The following ARL14EPL variants were observed in gnomAD, a reference collection of about 807,000 sequenced individuals.
ARL14EPL encodes ARL14 effector protein-like.
Under a neutral mutation model 15.9 loss-of-function variants are expected in ARL14EPL, and 17 were observed. The observed-to-expected ratio is 1.07, with a 90% CI of 0.73 to 1.60. ARL14EPL has a LOEUF of 1.60. Among genes scored for constraint, ARL14EPL ranks in the 40% most tolerant of loss-of-function variants. The pLI is 0.00. For missense variants in ARL14EPL, 214 were observed against 185.9 expected (o/e 1.15, Z -0.88); for synonymous variants, 78 against 63.8 (o/e 1.22, Z -1.06).
At chr5:116,054,956 A>G (rs1230952459) in intron 3 of ARL14EPL, among the ~76,000 whole-genome samples, 1 of 152,104 alleles carries the variant, frequency 6.6e-6, no homozygotes, top group Non-Finnish European at 1.5e-5. Context: ...ACAGTGAAAG[A>G]CACACCATAA....
intron 2 of ARL14EPL, among the ~76,000 whole-genome samples, chr5:116,053,308 T>C (rs1911947): frequency 0.81 from 120,872 of 149,854 alleles, 49,201 homozygotes; most frequent in African/African-American, 0.88. Flanking sequence ...GCCATGATCA[T>C]GCCATAGCAC....
intron 3 of ARL14EPL, 127 bp from the exon 4 acceptor site, chr5:116,058,598 C>T (rs967210377): frequency 2.8e-5 from 24 of 849,680 alleles, no homozygotes; most frequent in Non-Finnish European, 3.7e-5. Flanking sequence ...ACCAATGTTT[C>T]TGGTAATCTC....
intron 3 of ARL14EPL, 112 bp from the exon 4 acceptor site, chr5:116,058,613 G>T: frequency 9.9e-7 from 1 of 1,005,728 alleles, no homozygotes; most frequent in South Asian, 1.5e-5. Context: ...AATCTCTGGA[G>T]TTCTGGGTCA....
At position 116,038,308 on chromosome 5, in the gene ARL14EPL, T is replaced by A. The variant is rs188795361; in HGVS notation, c.-10+5803T>A. ...CTGATACGGGAGACAAGTGTGTAAA[T>A]AACTATGAACAAGCTTGCAAACATA... is the stretch of plus-strand genomic sequence containing the variant. On this transcript the variant is annotated intron_variant, in intron 1 of 3. Transcript: ENST00000686077. 8.5e-4 allele frequency among the ~76,000 whole-genome samples: 130 copies of A among 152,192 alleles called. 1 individual carries two copies. In the South Asian group the frequency reaches 0.011, roughly 13 times the overall value.
intron 1 of ARL14EPL, among the ~76,000 whole-genome samples, chr5:116,036,692 C>A (rs1329847033): frequency 6.6e-6 from 1 of 152,072 alleles, no homozygotes; most frequent in African/African-American, 2.4e-5. Context: ...AAAATATAAC[C>A]TAGAAATATG....
chr5:116,039,471 C>A (rs1749108453), intron 1 of ARL14EPL, among the ~76,000 whole-genome samples: 1 of 152,076 alleles, frequency 6.6e-6, no homozygotes, highest in Non-Finnish European at 1.5e-5. Context: ...GAAAACACTT[C>A]TTCTTTGAAA....
intron 1 of ARL14EPL, among the ~76,000 whole-genome samples, chr5:116,036,549 A>G (rs913270773): frequency 3.9e-5 from 6 of 152,246 alleles, no homozygotes; most frequent in African/African-American, 1.4e-4. Context: ...TTAGGGGCTT[A>G]TAGAAGCTCT....
At chr5:116,047,970 C>A (rs145060057) in intron 1 of ARL14EPL, among the ~76,000 whole-genome samples, 3 of 152,104 alleles carry the variant, frequency 2.0e-5, no homozygotes, top group Admixed American at 6.6e-5. Flanking sequence ...ATTTCCGAAG[C>A]CTTCATTTTG....
chr5:116,033,945 G>T lies in ARL14EPL; in HGVS notation c.-10+1440G>T, dbSNP rs192924479. On this transcript the variant is annotated intron_variant, in intron 1 of 3. Transcript: ENST00000686077. ...GGAAAAGAAATAGCACGATATAAAG[G>T]CTTCCTCACTTTCTTTGCTTTCTCT... Among the ~76,000 whole-genome samples the T allele has an allele frequency of 3.1e-4, 47 of 152,282 alleles. No individual in the cohort carries two copies. The East Asian group carries it at 5.8e-3, about 19-fold the overall frequency.
rs115238628 is a variant in ARL14EPL, at chr5:116,037,226, T to C, written c.-10+4721T>C. ...AGATTCACTTTTTTGGTTTCATACATTGAAGTTTATTTAGAAAAAAATGGT... is the reference window on the plus strand; with the variant it reads ...AGATTCACTTTTTTGGTTTCATACACTGAAGTTTATTTAGAAAAAAATGGT... On this transcript the variant is annotated intron_variant, in intron 1 of 3. Coordinates refer to ENST00000686077, the MANE Select transcript of ARL14EPL (RefSeq NM_001195581.2). 4.2e-3 allele frequency among the ~76,000 whole-genome samples: 633 copies of C among 152,292 alleles called. 7 individuals are homozygous for C. The highest frequency in any genetic ancestry group is 0.014 in the African/African-American group (576 of 41,556).
intron 1 of ARL14EPL, among the ~76,000 whole-genome samples, chr5:116,046,949 A>T (rs1749278518): frequency 6.6e-6 from 1 of 152,184 alleles, no homozygotes; most frequent in Admixed American, 6.5e-5. Flanking sequence ...AGAGGAAAAC[A>T]GCCTGTCTTT....
chr5:116,050,427 G>T (rs193163065), intron 1 of ARL14EPL, among the ~76,000 whole-genome samples: 68 of 152,346 alleles, frequency 4.5e-4, no homozygotes, highest in African/African-American at 1.6e-3. Context: ...AGATGATCTA[G>T]TTCTTTTTAT....
At chr5:116,051,400 T>C (rs1749373901) in intron 1 of ARL14EPL, 57 bp from the exon 2 acceptor site, 1 of 1,025,948 alleles carries the variant, frequency 9.7e-7, no homozygotes, top group Non-Finnish European at 1.4e-6. Flanking sequence ...TCACCAGATA[T>C]AGTTACTGGA....
Position 116,058,984 on chromosome 5 carries a change from T to C in ARL14EPL, c.*37T>C, listed in dbSNP as rs1357488423. The stretch of plus-strand genomic sequence containing the variant: ...TATGGACTGATTTGTTTCTTCTTCT[T>C]ACACATTTAAGTTGACCTCTTTCTT... On this transcript the variant is annotated 3_prime_UTR_variant, in exon 4 of 4. Transcript: ENST00000686077. 4.6e-6 allele frequency: 7 copies of C among 1,518,404 alleles called. No individual in the cohort carries two copies. In the Admixed American group the frequency reaches 1.4e-4, roughly 30 times the overall value. 94.1% of individuals were successfully genotyped at this position (1,518,404 alleles called of 1,614,324 possible).
rs1387982639 is a variant in ARL14EPL, at chr5:116,054,036, A to C, written c.119A>C (p.Lys40Thr). The C allele has an allele frequency of 2.6e-6, 4 of 1,535,270 alleles. No individual in the cohort carries two copies. The South Asian group carries it at 4.8e-5, about 18-fold the overall frequency. Residue 40 changes from lysine to threonine, a missense_variant, in exon 3 of 4, where the codon AAA becomes ACA. Lys to Thr is a moderately conservative substitution (Grantham distance 78, BLOSUM62 -1). Transcript: ENST00000686077. ...KQLQQIERQL[K>T]CLAFRNPGPQ... ...TAGCAACAAATAGAGCGGCAGTTAA[A>C]ATGCTTGGCATTTCGAAACCCTGGA...
At chr5:116,042,476 C>A (rs1749179578) in intron 1 of ARL14EPL, among the ~76,000 whole-genome samples, 1 of 152,126 alleles carries the variant, frequency 6.6e-6, no homozygotes, top group Non-Finnish European at 1.5e-5. Context: ...ATGATGACTC[C>A]CACTAGAAAG....
At chr5:116,036,535 G>A (rs2244115) in intron 1 of ARL14EPL, among the ~76,000 whole-genome samples, 78,007 of 152,016 alleles carry the variant, frequency 0.51, 21,754 homozygotes, top group African/African-American at 0.74. Context: ...ATTTAGACAT[G>A]TTTTTAGGGG....
At chr5:116,057,190 G>A (rs2662477) in intron 3 of ARL14EPL, among the ~76,000 whole-genome samples, 86,501 of 151,864 alleles carry the variant, frequency 0.57, 26,246 homozygotes, top group Non-Finnish European at 0.7. Flanking sequence ...GATTATCTCC[G>A]TAGATGCAGA....
chr5:116,048,405 A>T (rs1159041465), intron 1 of ARL14EPL, among the ~76,000 whole-genome samples: 1 of 152,152 alleles, frequency 6.6e-6, no homozygotes, highest in African/African-American at 2.4e-5. Context: ...GCCTTTTGGC[A>T]GTTCTTAATC....
Sources: allele counts gnomAD v4.1 joint callset (sites outside exome capture counted in the v4.1 genomes callset), GRCh38; gene constraint gnomAD v4.1.1; transcripts MANE v1.5; gene names NCBI Gene and HGNC (gene_info 2026-07-23, HGNC 2026-07-21).